Variants in MS4A4A observed in about 807,000 individuals in gnomAD.
MS4A4A encodes the protein membrane spanning 4-domains A4A.
MS4A4A carries 26 observed loss-of-function variants against 28.0 expected under a neutral mutation model. That is an observed-to-expected ratio of 0.93 (90% CI 0.68 to 1.29). The LOEUF is 1.29. MS4A4A is among the 50% of genes most tolerant of loss of function. MS4A4A has a pLI of 0.00. For missense variants in MS4A4A, 290 were observed against 293.1 expected (o/e 0.99, Z 0.08); for synonymous variants, 86 against 100.8 (o/e 0.85, Z 0.88).
intron 2 of MS4A4A, among the ~76,000 whole-genome samples, chr11:60,296,345 G>C (rs1019959847): frequency 7.3e-5 from 11 of 151,652 alleles, no homozygotes; most frequent in African/African-American, 2.7e-4. Context: ...AGTAATTTTT[G>C]TCCTCTCTCT....
At chr11:60,288,766 G>A (rs989401805) in intron 1 of MS4A4A, among the ~76,000 whole-genome samples, 4 of 152,180 alleles carry the variant, frequency 2.6e-5, no homozygotes, top group Non-Finnish European at 4.4e-5. Flanking sequence ...TTGGTCCTTG[G>A]GTTTCTTGAA....
chr11:60,294,892 ACTTCTTCTT>A (rs71036569), intron 2 of MS4A4A, among the ~76,000 whole-genome samples: 3,808 of 130,932 alleles, frequency 0.029, 95 homozygotes, highest in East Asian at 0.04. Context: ...TACAACTACT[ACTTCTTCTT>A]CTTCTTCTTC....
chr11:60,289,591 G>A (rs2084834403), intron 1 of MS4A4A, among the ~76,000 whole-genome samples: 1 of 60,904 alleles, frequency 1.6e-5, no homozygotes, highest in East Asian at 4.0e-4. Flanking sequence ...GTGTGTGTGT[G>A]TGTATGTGTG....
At chr11:60,302,457 T>C (rs2084960060) in intron 4 of MS4A4A, 102 bp from the exon 5 acceptor site, 1 of 1,143,284 alleles carries the variant, frequency 8.7e-7, no homozygotes, top group Admixed American at 2.4e-5. Flanking sequence ...ATCAAGATAA[T>C]GATAGATGGC....
At chr11:60,284,719 C>T (rs915382923) in intron 1 of MS4A4A, among the ~76,000 whole-genome samples, 2 of 152,202 alleles carry the variant, frequency 1.3e-5, no homozygotes, top group African/African-American at 2.4e-5. Flanking sequence ...CATTCACATG[C>T]TATGGAGTAG....
At chr11:60,296,149 T>G (rs779539021) in intron 2 of MS4A4A, among the ~76,000 whole-genome samples, 4 of 152,020 alleles carry the variant, frequency 2.6e-5, no homozygotes, top group Non-Finnish European at 5.9e-5. Context: ...TTGATTCAAT[T>G]TATTTAATAA....
At chr11:60,303,231 CT>C (rs2084968536) in intron 5 of MS4A4A, among the ~76,000 whole-genome samples, 1 of 152,166 alleles carries the variant, frequency 6.6e-6, no homozygotes, top group Non-Finnish European at 1.5e-5. Flanking sequence ...ACTTTTACTA[CT>C]TTTTTGTACC....
chr11:60,297,400 T>A, intron 3 of MS4A4A, 75 bp downstream of exon 3: 2 of 1,516,020 alleles, frequency 1.3e-6, no homozygotes, highest in Non-Finnish European at 1.8e-6. Context: ...TGGAATCCTA[T>A]TCTAACCGTA....
intron 1 of MS4A4A, among the ~76,000 whole-genome samples, chr11:60,286,679 T>C (rs1357784461): frequency 2.0e-5 from 3 of 152,234 alleles, no homozygotes; most frequent in African/African-American, 4.8e-5. Flanking sequence ...AAGTTTATTT[T>C]ACATGATCTA....
At chr11:60,290,733 A>G (rs1290422677) in intron 1 of MS4A4A, among the ~76,000 whole-genome samples, 2 of 152,034 alleles carry the variant, frequency 1.3e-5, no homozygotes, top group Non-Finnish European at 2.9e-5. Context: ...TTTCATTTTA[A>G]CGTTTCTCCT....
chr11:60,306,505 T>A (rs1354375945), intron 6 of MS4A4A, among the ~76,000 whole-genome samples: 1 of 152,200 alleles, frequency 6.6e-6, no homozygotes, highest in African/African-American at 2.4e-5. Flanking sequence ...AATCAGCCGG[T>A]TGCTAATGCT....
chr11:60,282,773 G>A (rs2084766676), intron 1 of MS4A4A: 4 of 1,217,142 alleles, frequency 3.3e-6, no homozygotes, highest in East Asian at 6.1e-5. Context: ...TGAAGTAGCC[G>A]AGCTTTTGTT....
chr11:60,307,137 G>A (rs1424609153), intron 6 of MS4A4A, among the ~76,000 whole-genome samples: 1 of 152,194 alleles, frequency 6.6e-6, no homozygotes, highest in African/African-American at 2.4e-5. Context: ...ATTACCCAAA[G>A]GCCCACAGGC....
At chr11:60,295,265 A>C (rs2084895791) in intron 2 of MS4A4A, among the ~76,000 whole-genome samples, 1 of 152,064 alleles carries the variant, frequency 6.6e-6, no homozygotes, top group African/African-American at 2.4e-5. Context: ...AAATGGCATT[A>C]TGTTTTTAAT....
intron 1 of MS4A4A, among the ~76,000 whole-genome samples, chr11:60,282,423 A>G (rs1334110918): frequency 6.6e-6 from 1 of 152,232 alleles, no homozygotes; most frequent in African/African-American, 2.4e-5. Flanking sequence ...ATGTAGAAGG[A>G]ACATAACACA....
intron 3 of MS4A4A, among the ~76,000 whole-genome samples, chr11:60,298,607 G>A (rs1393461802): frequency 6.6e-6 from 1 of 152,150 alleles, no homozygotes; most frequent in East Asian, 1.9e-4. Context: ...GCTTGGTACA[G>A]GAATGAAGAT....
In MS4A4A at chr11:60,300,615, C is replaced by CAAAAAAAAAAAAA. The variant is rs760648433; in HGVS notation, c.331-370_331-358dup. On this transcript the variant is annotated intron_variant, in intron 3 of 6. Transcript: ENST00000337908. ...TGGGCGACAGAGCGAGACTCCGTCT[C>CAAAAAAAAAAAAA]AAAAAAAAAAAAAAAAAAAAAAAAA... Among the ~76,000 whole-genome samples, 12 of 36,028 alleles carry CAAAAAAAAAAAAA rather than the reference C, an allele frequency of 3.3e-4. 1 individual carries two copies. The highest frequency in any genetic ancestry group is 7.3e-4 in the African/African-American group (7 of 9,552). 23.6% of individuals were successfully genotyped at this position (36,028 alleles called of 152,430 possible).
chr11:60,290,722 T>G (rs2084847482), intron 1 of MS4A4A, among the ~76,000 whole-genome samples: 2 of 152,070 alleles, frequency 1.3e-5, no homozygotes, highest in South Asian at 4.1e-4. Context: ...ATAATTAATC[T>G]TTTCATTTTA....
chr11:60,285,995 C>T (rs1322373079), intron 1 of MS4A4A, among the ~76,000 whole-genome samples: 5 of 152,278 alleles, frequency 3.3e-5, no homozygotes, highest in East Asian at 1.9e-4. Context: ...TATCTTCAAT[C>T]GCATAAGGCA....
Sources: allele counts gnomAD v4.1 joint callset (sites outside exome capture counted in the v4.1 genomes callset), GRCh38; gene constraint gnomAD v4.1.1; transcripts MANE v1.5; gene names NCBI Gene and HGNC (gene_info 2026-07-23, HGNC 2026-07-21).